Variants in MCM9 observed in about 807,000 individuals in gnomAD.
MCM9 encodes minichromosome maintenance 9 homologous recombination repair factor, also known as DNA helicase MCM9.
Under a neutral mutation model 72.8 loss-of-function variants are expected in MCM9, and 55 were observed. The ratio of observed to expected loss-of-function variants is 0.76; its 90% confidence interval spans 0.61 to 0.95. The LOEUF is 0.95. Among genes scored for constraint, MCM9 ranks in the 40% least tolerant of loss-of-function variants. The probability of loss-of-function intolerance (pLI) is 0.00; values close to 1 mark genes in which losing one functional copy is unlikely to be tolerated. For missense variants in MCM9, 1,279 were observed against 1,377.0 expected (o/e 0.93, Z 1.13); for synonymous variants, 480 against 503.4 (o/e 0.95, Z 0.62).
At chr6:118,924,707 G>A (rs912592422) in intron 3 of MCM9, among the ~76,000 whole-genome samples, 1 of 152,132 alleles carries the variant, frequency 6.6e-6, no homozygotes, top group Non-Finnish European at 1.5e-5. Context: ...TCCTATAAAA[G>A]CCTTGTGTTT....
chr6:118,851,142 A>C (rs1418219242), intron 9 of MCM9, among the ~76,000 whole-genome samples: 1 of 151,832 alleles, frequency 6.6e-6, no homozygotes, highest in East Asian at 1.9e-4. Flanking sequence ...ACCATGTGAG[A>C]AATGTGAAGT....
At chr6:118,908,048 TAA>T (rs1020953000) in intron 8 of MCM9, 2 of 154,326 alleles carry the variant, frequency 1.3e-5, no homozygotes, top group African/African-American at 4.8e-5. Context: ...CATTTTAATT[TAA>T]GGGGCAGATT....
chr6:118,883,706 A>T (rs185300803), intron 8 of MCM9, among the ~76,000 whole-genome samples: 1 of 152,170 alleles, frequency 6.6e-6, no homozygotes, highest in Admixed American at 6.5e-5. Flanking sequence ...AGAAAAAAAA[A>T]AATCGAACCC....
chr6:118,839,137 T>A (rs1583390128), intron 9 of MCM9, among the ~76,000 whole-genome samples: 1 of 152,110 alleles, frequency 6.6e-6, no homozygotes, highest in Middle Eastern at 3.4e-3. Context: ...CATTCTTTTT[T>A]CTCTAATCTC....
At chr6:118,894,329 T>G (rs1049751293) in intron 8 of MCM9, 1 of 1,524,860 alleles carries the variant, frequency 6.6e-7, no homozygotes, top group Non-Finnish European at 8.8e-7. Context: ...GGAGCGGGGG[T>G]CTGCGCTCTC....
chr6:118,844,781 ACT>A (rs1350094161), intron 9 of MCM9, among the ~76,000 whole-genome samples: 7 of 151,748 alleles, frequency 4.6e-5, no homozygotes, highest in African/African-American at 1.7e-4. Flanking sequence ...TCCTATACAC[ACT>A]GATTGTCCAG....
rs1054524668 is a variant in MCM9, at chr6:118,826,054, T to C, written c.1961+93A>G. On this transcript the variant is annotated intron_variant, in intron 13 of 13. Coordinates refer to ENST00000619706, the MANE Select transcript of MCM9 (RefSeq NM_017696.3). ...ACTTACTGACCCAACACCTGATAGATAGATTTTTCCACTTAATGCACACTT... is the reference window on the plus strand; with the variant it reads ...ACTTACTGACCCAACACCTGATAGACAGATTTTTCCACTTAATGCACACTT... 2.0e-5 allele frequency: 27 copies of C among 1,371,868 alleles called. No homozygotes were observed. In the African/African-American group the frequency reaches 3.6e-4, roughly 18 times the overall value. The allele number at this position is 1,371,868 out of a possible 1,614,324, so 85.0% of individuals were successfully genotyped here.
intron 8 of MCM9, among the ~76,000 whole-genome samples, chr6:118,892,857 C>T (rs1462898621): frequency 1.3e-5 from 2 of 152,200 alleles, no homozygotes; most frequent in East Asian, 3.9e-4. Context: ...TTAGCTGTCT[C>T]ACATTAACTT....
intron 8 of MCM9, among the ~76,000 whole-genome samples, chr6:118,903,188 T>C (rs1171361733): frequency 1.3e-5 from 2 of 152,218 alleles, no homozygotes; most frequent in Non-Finnish European, 2.9e-5. Context: ...AGAGTTCTCA[T>C]AGCAGTACTG....
Position 118,815,260 on chromosome 6 carries a change from T to C in MCM9, c.2996A>G (p.Glu999Gly). The C allele has an allele frequency of 6.4e-7, 1 of 1,550,716 alleles. No individual in the cohort carries two copies. Among genetic ancestry groups the C allele is most frequent in the Non-Finnish European group, 8.7e-7 (1 of 1,146,972 alleles). ...CACCTTCTCTCTTGGTCCGTGTTTC[T>C]CTGGTGGCTGCTGCGACACCTCCTT... ...ETKEVSQQPP[E>G]KHGPREKVMC... The change falls in exon 14 of 14, where the codon GAG becomes GGG. Residue 999 changes from glutamate (E) to glycine (G), a missense_variant. Transcript: ENST00000619706.
intron 8 of MCM9, chr6:118,907,658 A>T (rs765876829): frequency 1.1e-5 from 16 of 1,476,648 alleles, no homozygotes; most frequent in Non-Finnish European, 1.5e-5. Context: ...TTAAAAATAC[A>T]CAGAACTATT....
chr6:118,850,964 G>A lies in MCM9; in HGVS notation c.1325+5407C>T, dbSNP rs141725262. ...CTCTTGAGTAGCTGGGACTACAGGCGCACACCACTGTACTTGGCTGTTTTT... is the reference window on the plus strand; with the variant it reads ...CTCTTGAGTAGCTGGGACTACAGGCACACACCACTGTACTTGGCTGTTTTT... On this transcript the variant is annotated intron_variant, in intron 9 of 13. Transcript: ENST00000619706. Among the ~76,000 whole-genome samples the A allele has an allele frequency of 4.6e-4, 70 of 151,730 alleles. 1 individual carries two copies. The highest frequency in any genetic ancestry group is 1.6e-3 in the African/African-American group (67 of 41,140).
At chr6:118,907,627 C>G (rs750133147) in intron 8 of MCM9, 2 of 1,596,094 alleles carry the variant, frequency 1.3e-6, no homozygotes, top group East Asian at 4.5e-5. Flanking sequence ...ACCTACCATC[C>G]CTTTAGTACA....
chr6:118,846,595 T>C (rs978666671), intron 9 of MCM9, among the ~76,000 whole-genome samples: 10 of 151,744 alleles, frequency 6.6e-5, no homozygotes, highest in Middle Eastern at 3.4e-3. Context: ...CCGGAGTAGA[T>C]AGAGGAGACC....
rs991525103 is a variant in MCM9 at position 118,886,522 on chromosome 6, CA to C, written c.1150+25127del. ...TGACCTCAGCTAGACTGACAGATACCAAAAAAAAAAATCAATTCTATGTCTA... is the reference window on the plus strand; with the variant it reads ...TGACCTCAGCTAGACTGACAGATACCAAAAAAAAAATCAATTCTATGTCTA... On this transcript the variant is annotated intron_variant, in intron 8 of 13. Coordinates refer to ENST00000619706, the MANE Select transcript of MCM9 (RefSeq NM_017696.3). Among the ~76,000 whole-genome samples, 163 of 142,256 alleles carry C rather than the reference CA, an allele frequency of 1.1e-3. No individual in the cohort carries two copies. The East Asian group carries it at 0.015, about 13-fold the overall frequency. 93.3% of individuals were successfully genotyped at this position (142,256 alleles called of 152,430 possible).
intron 9 of MCM9, among the ~76,000 whole-genome samples, chr6:118,842,750 C>T (rs1324153468): frequency 6.6e-6 from 1 of 152,032 alleles, no homozygotes; most frequent in Admixed American, 6.5e-5. Flanking sequence ...GAACTACGAG[C>T]CTCAAGTGAT....
rs187316787 is a variant in MCM9 at position 118,899,700 on chromosome 6, G to A, written c.1150+11950C>T. The stretch of plus-strand genomic sequence containing the variant: ...GTAGTTTACAATACAATATAAATAA[G>A]CAGTACGTTACTATTTCTATTATCA... On this transcript the variant is annotated intron_variant, in intron 8 of 13. Transcript: ENST00000619706. Among the ~76,000 whole-genome samples, 189 of 152,270 alleles carry A rather than the reference G, an allele frequency of 1.2e-3. 1 individual carries two copies. The highest frequency in any genetic ancestry group is 2.5e-3 in the Non-Finnish European group (171 of 68,012).
At chr6:118,894,448 T>A (rs1194234266) in intron 8 of MCM9, 1 of 1,537,178 alleles carries the variant, frequency 6.5e-7, no homozygotes, top group Non-Finnish European at 8.7e-7. Context: ...GTAGTGGTGC[T>A]GGATAACCCT....
chr6:118,916,993 C>T (rs556036743), intron 6 of MCM9, among the ~76,000 whole-genome samples: 1 of 152,248 alleles, frequency 6.6e-6, no homozygotes, highest in South Asian at 2.1e-4. Context: ...GTGCTTTACA[C>T]ACTTGAGATT....
Sources: allele counts gnomAD v4.1 joint callset (sites outside exome capture counted in the v4.1 genomes callset), GRCh38; gene constraint gnomAD v4.1.1; transcripts MANE v1.5; gene names NCBI Gene and HGNC (gene_info 2026-07-23, HGNC 2026-07-21).